The following BLTP2 variants were observed in gnomAD, a reference collection of about 807,000 sequenced individuals.
The protein encoded by BLTP2 is bridge-like lipid transfer protein family member 2.
At chr17:28,626,892 G>A in the BLTP2 span, among the ~76,000 whole-genome samples, 1 of 152,222 alleles carries the variant, frequency 6.6e-6, no homozygotes, top group Admixed American at 6.5e-5. Flanking sequence ...TTGAACCCAA[G>A]GAGGGGGTTG....
At chr17:28,620,106 G>T in the BLTP2 span, 1 of 1,219,770 alleles carries the variant, frequency 8.2e-7, no homozygotes, top group East Asian at 2.4e-5. Flanking sequence ...AAATGGGGGG[G>T]GTCTCTTCTA....
At chr17:28,622,297 A>T in the BLTP2 span, among the ~76,000 whole-genome samples, 1 of 152,198 alleles carries the variant, frequency 6.6e-6, no homozygotes. Context: ...ATGACTTCTC[A>T]TATTACCAAC....
chr17:28,637,658 ATATT>A, the BLTP2 span, among the ~76,000 whole-genome samples: 1 of 152,206 alleles, frequency 6.6e-6, no homozygotes, highest in African/African-American at 2.4e-5. Context: ...ACACTTCAGT[ATATT>A]TATTTACTTA....
the BLTP2 span, among the ~76,000 whole-genome samples, chr17:28,622,521 T>C: frequency 6.6e-6 from 1 of 152,186 alleles, no homozygotes; most frequent in African/African-American, 2.4e-5. Context: ...GTAACTCATA[T>C]AGGGGGTGTA....
chr17:28,642,499 A>C, the BLTP2 span: 5 of 621,876 alleles, frequency 8.0e-6, no homozygotes, highest in African/African-American at 5.6e-5. Flanking sequence ...AAAATACAAA[A>C]AATTAGCCAG....
the BLTP2 span, chr17:28,639,325 T>A: frequency 6.2e-6 from 10 of 1,614,154 alleles, no homozygotes; most frequent in African/African-American, 1.3e-4. Context: ...CTTTTTTTCC[T>A]TTGCTTTAGA....
chr17:28,635,365 G>A, the BLTP2 span: 3 of 1,614,230 alleles, frequency 1.9e-6, no homozygotes, highest in East Asian at 6.7e-5. Flanking sequence ...TACAAAAGCT[G>A]TGAGCTTGGC....
the BLTP2 span, chr17:28,637,870 TTCGACCTTCAAG>T: frequency 1.2e-6 from 2 of 1,614,134 alleles, no homozygotes; most frequent in Non-Finnish European, 8.5e-7. Flanking sequence ...AGTTCATGTC[TTCGACCTTCAAG>T]TCCACCTTCC....
the BLTP2 span, chr17:28,624,038 T>C: frequency 6.9e-7 from 1 of 1,440,356 alleles, no homozygotes. Context: ...TATCAACCAC[T>C]GCAGCTAGGT....
At chr17:28,639,716 G>A in the BLTP2 span, 3 of 1,463,658 alleles carry the variant, frequency 2.0e-6, no homozygotes, top group Non-Finnish European at 2.9e-6. Context: ...AGGGTCAGAA[G>A]CCGGCAAAGG....
the BLTP2 span, among the ~76,000 whole-genome samples, chr17:28,627,447 C>T: frequency 6.6e-6 from 1 of 151,744 alleles, no homozygotes; most frequent in Admixed American, 6.6e-5. Flanking sequence ...TGCTCTGTGG[C>T]CCAGGCTGGA....
the BLTP2 span, chr17:28,637,178 C>T: frequency 6.2e-7 from 1 of 1,613,182 alleles, no homozygotes; most frequent in Non-Finnish European, 8.5e-7. Flanking sequence ...CACCTAACAA[C>T]CAGAAACCAT....
the BLTP2 span, chr17:28,631,489 G>A: frequency 6.2e-7 from 1 of 1,613,992 alleles, no homozygotes; most frequent in Non-Finnish European, 8.5e-7. Context: ...CTCCTCAGCT[G>A]TGCGATTGCT....
the BLTP2 span, chr17:28,643,807 C>G: frequency 1.1e-6 from 1 of 892,330 alleles, no homozygotes; most frequent in Non-Finnish European, 1.8e-6. Flanking sequence ...ACAGTAAAAT[C>G]TTCGATTTCC....
At chr17:28,639,890 G>T in the BLTP2 span, 1 of 1,613,836 alleles carries the variant, frequency 6.2e-7, no homozygotes, top group South Asian at 1.1e-5. Flanking sequence ...CCAGTACCCC[G>T]ACCCATGAAC....
At chr17:28,619,554 T>C in the BLTP2 span, 1 of 1,423,148 alleles carries the variant, frequency 7.0e-7, no homozygotes, top group African/African-American at 1.4e-5. Context: ...CAGCCTTTGA[T>C]AATGCACACT....
chr17:28,638,407 G>T, the BLTP2 span: 1 of 1,613,812 alleles, frequency 6.2e-7, no homozygotes, highest in Non-Finnish European at 8.5e-7. Context: ...GGCCTGAGGT[G>T]CTGGTAATCT....
At chr17:28,632,074 T>A in the BLTP2 span, 1 of 1,614,038 alleles carries the variant, frequency 6.2e-7, no homozygotes, top group Non-Finnish European at 8.5e-7. Context: ...GAGGGCTGTA[T>A]AGGAAAGTTG....
the BLTP2 span, chr17:28,621,136 C>A: frequency 6.2e-7 from 1 of 1,614,044 alleles, no homozygotes; most frequent in Non-Finnish European, 8.5e-7. Flanking sequence ...GCTGGACTTG[C>A]TGGGCTTGCT....
Sources: allele counts gnomAD v4.1 joint callset (sites outside exome capture counted in the v4.1 genomes callset), GRCh38; gene constraint gnomAD v4.1.1; transcripts MANE v1.5; gene names NCBI Gene and HGNC (gene_info 2026-07-23, HGNC 2026-07-21).